Variants in IFT27 observed in about 807,000 individuals in gnomAD.
IFT27 encodes intraflagellar transport protein 27 homolog.
A neutral mutation model predicts 23.9 loss-of-function variants in IFT27; 19 were observed. That is an observed-to-expected ratio of 0.79 (90% CI 0.55 to 1.16). IFT27 has a LOEUF of 1.16. Ranked by LOEUF, IFT27 falls within the 50% of genes most tolerant of loss-of-function variation. The pLI, the probability that IFT27 is intolerant of heterozygous loss-of-function variation, is 0.00. For synonymous variants in IFT27, 91 were observed against 89.1 expected (o/e 1.02, Z -0.12); for missense variants, 206 against 228.7 (o/e 0.90, Z 0.64).
At chr22:36,766,460 G>A (rs1938252906) in intron 3 of IFT27, 1 of 475,536 alleles carries the variant, frequency 2.1e-6, no homozygotes, top group East Asian at 3.6e-5. Context: ...GTAACCCTGA[G>A]TGCAAAAATA....
At chr22:36,766,113 A>G (rs369337422) in intron 4 of IFT27, 25 bp downstream of exon 4, 13 of 1,602,752 alleles carry the variant, frequency 8.1e-6, no homozygotes, top group African/African-American at 4.0e-5. Context: ...GGTGACAGTC[A>G]GGAAAAAGAC....
At chr22:36,763,055 C>T (rs770228155) in intron 5 of IFT27, 42 bp from the exon 6 acceptor site, 2 of 1,432,770 alleles carry the variant, frequency 1.4e-6, no homozygotes, top group Middle Eastern at 1.8e-4. Flanking sequence ...TTCACTGTCA[C>T]ACTCTGGAAG....
intron 1 of IFT27, among the ~76,000 whole-genome samples, chr22:36,769,296 C>G (rs1276253250): frequency 6.6e-6 from 1 of 152,200 alleles, no homozygotes; most frequent in Non-Finnish European, 1.5e-5. Context: ...GTAACTCGCC[C>G]AGGATTCCAA....
chr22:36,762,875 T>G (rs534819329), intron 6 of IFT27, 29 bp downstream of exon 6: 1 of 1,482,702 alleles, frequency 6.7e-7, no homozygotes, highest in South Asian at 1.3e-5. Context: ...CACTCCAGAC[T>G]TGGCGACGAG....
At chr22:36,770,227 CGAT>C (rs1296099603) in intron 1 of IFT27, among the ~76,000 whole-genome samples, 1 of 152,142 alleles carries the variant, frequency 6.6e-6, no homozygotes, top group Non-Finnish European at 1.5e-5. Context: ...TTGCCAAGGC[CGAT>C]GGCCTTTTCT....
At chr22:36,761,843 G>GA (rs1490730375) in intron 6 of IFT27, 2 of 152,222 alleles carry the variant, frequency 1.3e-5, no homozygotes, top group Non-Finnish European at 2.9e-5. Context: ...AAGGTTCCTA[G>GA]ATGCAATAGC....
chr22:36,766,344 G>T (rs1368555259), intron 3 of IFT27, 147 bp from the exon 4 acceptor site: 4 of 681,648 alleles, frequency 5.9e-6, no homozygotes, highest in Non-Finnish European at 1.0e-5. Flanking sequence ...TTTCTCCCAG[G>T]CACGAGAGAA....
chr22:36,763,879 A>C, intron 5 of IFT27, 40 bp downstream of exon 5: 72 of 1,379,750 alleles, frequency 5.2e-5, no homozygotes, highest in Non-Finnish European at 7.0e-5. Flanking sequence ...ACCAAAGGAC[A>C]GAGATGCCGC....
chr22:36,766,856 A>G (rs1168853537), intron 3 of IFT27, among the ~76,000 whole-genome samples: 1 of 151,212 alleles, frequency 6.6e-6, no homozygotes, highest in South Asian at 2.1e-4. Flanking sequence ...CCGTCTAAAC[A>G]TCAGCACCAT....
intron 1 of IFT27, among the ~76,000 whole-genome samples, chr22:36,772,008 G>T (rs150474192): frequency 6.6e-6 from 1 of 152,250 alleles, no homozygotes; most frequent in Non-Finnish European, 1.5e-5. Context: ...TGTTCGCCCA[G>T]TCCCTGGAAA....
rs1937987182 is a variant in IFT27, at chr22:36,758,352, G to A, written c.520C>T (p.Leu174=). The change falls in exon 7 of 7, where the codon CTG becomes TTG. Residue 174 remains leucine, a synonymous_variant. Transcript: ENST00000433985. ...FHCLAKQFHQ[L]YREKVEVFRA... is the part of the protein sequence containing the mutation. ...AAAACCTCCACCTTCTCCCGGTACA[G>A]CTGGTGGAACTGCTTGGCAAGGCAG... The A allele has an allele frequency of 1.2e-6, 2 of 1,614,194 alleles. No homozygotes were observed. The highest frequency in any genetic ancestry group is 2.2e-5 in the South Asian group (2 of 91,086).
chr22:36,763,158 A>T (rs117098009), intron 5 of IFT27, 145 bp from the exon 6 acceptor site: 8,459 of 509,462 alleles, frequency 0.017, 110 homozygotes, highest in Middle Eastern at 0.029. Flanking sequence ...CCCACAGGGA[A>T]AGCCGGGGGT....
intron 1 of IFT27, 146 bp from the exon 2 acceptor site, chr22:36,768,008 C>T (rs763099803): frequency 7.8e-6 from 6 of 765,036 alleles, no homozygotes; most frequent in South Asian, 1.4e-5. Context: ...GTTCTGAGGC[C>T]GCGGGCAGGG....
intron 6 of IFT27, 79 bp from the exon 7 acceptor site, chr22:36,758,488 T>A: frequency 9.4e-7 from 1 of 1,063,934 alleles, no homozygotes; most frequent in South Asian, 1.3e-5. Context: ...GCTTCCCTCA[T>A]TCGGGGGCTA....
intron 1 of IFT27, among the ~76,000 whole-genome samples, chr22:36,769,836 G>T (rs1324409559): frequency 6.6e-6 from 1 of 152,146 alleles, no homozygotes; most frequent in Non-Finnish European, 1.5e-5. Flanking sequence ...CTGGAAGTTG[G>T]CTCCTCCTGC....
chr22:36,769,345 TCAGGGAC>T (rs1938341717), intron 1 of IFT27, among the ~76,000 whole-genome samples: 1 of 152,140 alleles, frequency 6.6e-6, no homozygotes, highest in African/African-American at 2.4e-5. Context: ...CTCCTAGAGC[TCAGGGAC>T]CACTTCTGAC....
Position 36,775,794 on chromosome 22 carries a change from C to T in IFT27, c.-87G>A. On this transcript the variant is annotated 5_prime_UTR_variant, in exon 1 of 7. Transcript: ENST00000433985. The stretch of plus-strand genomic sequence containing the variant: ...GGGTGGGCTTCGGGCCCTGGGCTGG[C>T]CTGGGACGGGAAGGTGGGGAGGGGA... The T allele has an allele frequency of 1.4e-6, 2 of 1,386,398 alleles. No individual in the cohort carries two copies. The highest frequency in any genetic ancestry group is 2.1e-6 in the Non-Finnish European group (2 of 974,234). 85.9% of individuals were successfully genotyped at this position (1,386,398 alleles called of 1,614,324 possible).
chr22:36,759,442 T>A (rs1293506097), intron 6 of IFT27: 1 of 152,094 alleles, frequency 6.6e-6, no homozygotes, highest in Non-Finnish European at 1.5e-5. Context: ...TGCCCTAGAT[T>A]TTATCTAAGC....
At position 36,775,957 on chromosome 22, in the gene IFT27, C is replaced by T; in HGVS notation, c.-250G>A. 1.7e-6 allele frequency: 1 copy of T among 591,448 alleles called. No individual in the cohort carries two copies. The highest frequency in any genetic ancestry group is 3.0e-6 in the Non-Finnish European group (1 of 331,860). The allele number at this position is 591,448 out of a possible 1,614,324, so 36.6% of individuals were successfully genotyped here. A position where few individuals can be genotyped will look rare whatever the true frequency, so the allele number is the denominator to read the frequency against. ...CAGGTGGGCCCGGCTCGAGGCCTGA[C>T]ACGGCAGTCTGAAAAGGTGCAAGCG... On this transcript the variant is annotated 5_prime_UTR_variant, in exon 1 of 7. Transcript: ENST00000433985.
Sources: allele counts gnomAD v4.1 joint callset (sites outside exome capture counted in the v4.1 genomes callset), GRCh38; gene constraint gnomAD v4.1.1; transcripts MANE v1.5; gene names NCBI Gene and HGNC (gene_info 2026-07-23, HGNC 2026-07-21).